The following C6 variants were observed in gnomAD, a reference collection of about 807,000 sequenced individuals.
C6 encodes the protein complement component C6.
C6 carries 101 observed loss-of-function variants against 112.9 expected under a neutral mutation model. The observed-to-expected ratio is 0.89, with a 90% CI of 0.76 to 1.06. The LOEUF (loss-of-function observed/expected upper bound fraction) is 1.06, where lower values mean the gene tolerates loss of function less well. C6 is among the 50% of genes least tolerant of loss of function. The probability of loss-of-function intolerance (pLI) is 0.00; values close to 1 mark genes in which losing one functional copy is unlikely to be tolerated. For missense variants in C6, 1,202 were observed against 1,104.6 expected (o/e 1.09, Z -1.25); for synonymous variants, 431 against 384.1 (o/e 1.12, Z -1.43).
intron 5 of C6, among the ~76,000 whole-genome samples, chr5:41,192,932 G>T (rs958130894): frequency 3.9e-5 from 6 of 152,140 alleles, no homozygotes; most frequent in Admixed American, 3.9e-4. Flanking sequence ...CTTTGGGTAT[G>T]TTGAAAACAT....
At chr5:41,158,225 T>C (rs1285946431) in intron 13 of C6, among the ~76,000 whole-genome samples, 2 of 152,066 alleles carry the variant, frequency 1.3e-5, no homozygotes, top group Admixed American at 1.3e-4. Context: ...CTTAAAGGTA[T>C]GTGAAAATGG....
chr5:41,182,051 T>C (rs1467173969), intron 6 of C6, among the ~76,000 whole-genome samples: 1 of 152,148 alleles, frequency 6.6e-6, no homozygotes, highest in African/African-American at 2.4e-5. Flanking sequence ...GTTTCTGAGG[T>C]TGGGTTCCCA....
At position 41,181,440 on chromosome 5, in the gene C6, T is replaced by A; in HGVS notation, c.846A>T (p.Pro282=). ...CACTTCTCTTTGAGGAATAAAAAAT[T>A]GGTACACTGAAAGAGCTCCCCCCCT... The part of the protein sequence containing the change: ...SSQGGSSFSV[P]IFYSSKRSEN... Residue 282 remains proline, a synonymous_variant, in exon 7 of 18, where the codon CCA becomes CCT. Coordinates refer to ENST00000337836, the MANE Select transcript of C6 (RefSeq NM_000065.5). 1 of 1,613,884 alleles carries A rather than the reference T, an allele frequency of 6.2e-7. No homozygotes were observed. Among genetic ancestry groups the A allele is most frequent in the Non-Finnish European group, 8.5e-7 (1 of 1,179,860 alleles).
chr5:41,161,955 G>T, intron 9 of C6, 96 bp from the exon 10 acceptor site: 1 of 1,207,244 alleles, frequency 8.3e-7, no homozygotes, highest in Non-Finnish European at 1.2e-6. Context: ...GAAGGGAGAA[G>T]TAGATGGTAC....
chr5:41,211,319 A>G (rs1227885232), intron 1 of C6, among the ~76,000 whole-genome samples: 2 of 38,912 alleles, frequency 5.1e-5, no homozygotes, highest in Non-Finnish European at 1.8e-4. Flanking sequence ...GTACACCAAC[A>G]TGGCATATGT....
At position 41,251,448 on chromosome 5, in the gene C6, C is replaced by G. The variant is rs539311500; in HGVS notation, c.-21+9746G>C. Reference sequence around the variant, plus strand: ...AATGCTATTGCTGTTATTAGTGTGGCAGGCATATTGTCCTTGAAAACTTGA... The same window carrying G: ...AATGCTATTGCTGTTATTAGTGTGGGAGGCATATTGTCCTTGAAAACTTGA... On this transcript the variant is annotated intron_variant, in intron 1 of 17. Coordinates refer to the C6 transcript ENST00000263413. Among the ~76,000 whole-genome samples, 20 of 152,258 alleles carry G rather than the reference C, an allele frequency of 1.3e-4. No homozygotes were observed. The South Asian group carries it at 4.1e-3, about 32-fold the overall frequency.
At chr5:41,150,941 G>C (rs1051357747) in intron 15 of C6, among the ~76,000 whole-genome samples, 1 of 151,700 alleles carries the variant, frequency 6.6e-6, no homozygotes, top group Non-Finnish European at 1.5e-5. Flanking sequence ...AAAGAACCCA[G>C]TGTGGTTGAA....
At chr5:41,147,371 A>T (rs926312204) in intron 17 of C6, among the ~76,000 whole-genome samples, 1 of 152,182 alleles carries the variant, frequency 6.6e-6, no homozygotes, top group African/African-American at 2.4e-5. Context: ...TAGACATGGC[A>T]TGAAGGTTGA....
intron 1 of C6, among the ~76,000 whole-genome samples, chr5:41,207,065 C>A (rs2150379280): frequency 6.6e-6 from 1 of 152,246 alleles, no homozygotes; most frequent in Admixed American, 6.5e-5. Flanking sequence ...GAGTAGGGGC[C>A]AATATACAAC....
intron 6 of C6, among the ~76,000 whole-genome samples, chr5:41,185,375 T>C (rs1283871818): frequency 1.3e-5 from 2 of 152,226 alleles, no homozygotes; most frequent in Non-Finnish European, 1.5e-5. Context: ...TAATTACAAC[T>C]CTGAAATTCT....
chr5:41,207,290 C>A (rs1202367247), intron 1 of C6, among the ~76,000 whole-genome samples: 7 of 152,158 alleles, frequency 4.6e-5, no homozygotes, highest in South Asian at 2.1e-4. Flanking sequence ...ATTGTAAAGA[C>A]CATCAATGCT....
intron 6 of C6, among the ~76,000 whole-genome samples, chr5:41,182,404 A>G (rs982740094): frequency 6.6e-6 from 1 of 152,076 alleles, no homozygotes; most frequent in African/African-American, 2.4e-5. Flanking sequence ...CTGACATCTT[A>G]GTATTGATAT....
At chr5:41,248,236 G>A (rs1741139096) in intron 1 of C6, among the ~76,000 whole-genome samples, 1 of 152,096 alleles carries the variant, frequency 6.6e-6, no homozygotes, top group Admixed American at 6.5e-5. Flanking sequence ...GAAAACCTAG[G>A]AAATACCATT....
chr5:41,158,872 C>T (rs1184508585), intron 12 of C6, 87 bp from the exon 13 acceptor site: 5 of 981,556 alleles, frequency 5.1e-6, no homozygotes, highest in Non-Finnish European at 8.1e-6. Flanking sequence ...TACATGTGTA[C>T]ACATTGCATA....
chr5:41,196,085 G>C (rs1021591895), intron 4 of C6, 152 bp from the exon 5 acceptor site: 1 of 870,540 alleles, frequency 1.1e-6, no homozygotes, highest in Non-Finnish European at 1.8e-6. Context: ...CATAAAAATG[G>C]AGCGATAAAC....
At chr5:41,211,159 T>G (rs551977285) in intron 1 of C6, among the ~76,000 whole-genome samples, 1 of 152,222 alleles carries the variant, frequency 6.6e-6, no homozygotes, top group South Asian at 2.1e-4. Context: ...ACACTGAATG[T>G]TCTCACTTAT....
chr5:41,208,392 G>T (rs1251934413), intron 1 of C6, among the ~76,000 whole-genome samples: 18 of 152,006 alleles, frequency 1.2e-4, no homozygotes, highest in Non-Finnish European at 5.9e-5. Flanking sequence ...GAAGGACATA[G>T]AAACACAAAA....
chr5:41,180,540 T>C (rs1157864448), intron 7 of C6, among the ~76,000 whole-genome samples: 1 of 152,122 alleles, frequency 6.6e-6, no homozygotes, highest in East Asian at 1.9e-4. Flanking sequence ...TCTAAGTCCC[T>C]GGCAAGATTA....
At chr5:41,256,758 C>T (rs1029768665) in intron 1 of C6, among the ~76,000 whole-genome samples, 10 of 152,218 alleles carry the variant, frequency 6.6e-5, no homozygotes, top group South Asian at 2.1e-4. Flanking sequence ...CTGTACCTTA[C>T]GAGCAGATTG....
Sources: allele counts gnomAD v4.1 joint callset (sites outside exome capture counted in the v4.1 genomes callset), GRCh38; gene constraint gnomAD v4.1.1; transcripts MANE v1.5; gene names NCBI Gene and HGNC (gene_info 2026-07-23, HGNC 2026-07-21).